Variants in UBN2 observed in about 807,000 individuals in gnomAD.
UBN2 encodes ubinuclein-2.
Under a neutral mutation model 120.2 loss-of-function variants are expected in UBN2, and 35 were observed. The ratio of observed to expected loss-of-function variants is 0.29; its 90% CI spans 0.22 to 0.39. UBN2 has a LOEUF of 0.39. Ranked by LOEUF, UBN2 falls within the 10% of genes least tolerant of loss-of-function variation. UBN2 has a pLI of 1.00. For synonymous variants in UBN2, 661 were observed against 648.7 expected (o/e 1.02, Z -0.29); for missense variants, 1,693 against 1,663.2 (o/e 1.02, Z -0.31).
chr7:139,276,587 A>C (rs1797448827), intron 12 of UBN2: 1 of 165,554 alleles, frequency 6.0e-6, no homozygotes, highest in African/African-American at 2.4e-5. Context: ...TCTTCTGTTC[A>C]AAACCGTGTA....
At position 139,299,267 on chromosome 7, in the gene UBN2, G is replaced by T. The variant is rs971517178; in HGVS notation, c.*1431G>T. On this transcript the variant is annotated 3_prime_UTR_variant, in exon 18 of 18. Transcript: ENST00000473989. ...CAGAGAATGGTGTAAACTCTAAATG[G>T]TATAAGCTTCATCCATTTATAATGA... 6.6e-6 allele frequency: 1 copy of T among 151,964 alleles called. No individual in the cohort carries two copies. 9.4% of individuals were successfully genotyped at this position (151,964 alleles called of 1,614,324 possible). A position where few individuals can be genotyped will look rare whatever the true frequency, so the allele number is the denominator to read the frequency against.
In UBN2 at chr7:139,284,518, A is replaced by G; in HGVS notation, c.3613A>G (p.Thr1205Ala). 6.2e-7 allele frequency: 1 copy of G among 1,613,884 alleles called. No homozygotes were observed. Among genetic ancestry groups the G allele is most frequent in the Non-Finnish European group, 8.5e-7 (1 of 1,180,006 alleles). Reference protein sequence around the residue: ...GTQGATKPLSTPHRPSTASGS... With the variant: ...GTQGATKPLSAPHRPSTASGS... ...ACAGGGTGCTACCAAACCATTGTCT[A>G]CTCCACATAGACCATCCACTGCCTC... The change falls in exon 15 of 18, where the codon ACT becomes GCT. Residue 1205 changes from threonine to alanine, a missense_variant. Thr to Ala is a moderately conservative substitution (Grantham distance 58, BLOSUM62 0). Transcript: ENST00000473989.
rs553283672 is a variant in UBN2 at position 139,280,310 on chromosome 7, A to T, written c.2067+950A>T. Reference sequence around the variant, plus strand: ...GTACATAAAATAATTTGACTGAAAAATTTTTAATATTTAGAGAAATAGAAA... The same window carrying T: ...GTACATAAAATAATTTGACTGAAAATTTTTTAATATTTAGAGAAATAGAAA... On this transcript the variant is annotated intron_variant, in intron 13 of 17. Coordinates refer to ENST00000473989, the MANE Select transcript of UBN2 (RefSeq NM_173569.4). Among the ~76,000 whole-genome samples, 7 of 152,340 alleles carry T rather than the reference A, an allele frequency of 4.6e-5. No individual in the cohort carries two copies. The East Asian group carries it at 1.3e-3, about 29-fold the overall frequency.
rs1311634295 is a variant in UBN2, at chr7:139,231,277, G to A, written c.-208G>A. 6.6e-6 allele frequency among the ~76,000 whole-genome samples: 1 copy of A among 152,256 alleles called. No homozygotes were observed. Among genetic ancestry groups the A allele is most frequent in the Non-Finnish European group, 1.5e-5 (1 of 68,036 alleles). On this transcript the variant is annotated 5_prime_UTR_variant, in exon 1 of 18. Transcript: ENST00000473989. Reference sequence around the variant, plus strand: ...TGGGGGATCCAACATGGCGGCCGCGGCGACCCTGGCGATGGCGGTGAAGCC... The same window carrying A: ...TGGGGGATCCAACATGGCGGCCGCGACGACCCTGGCGATGGCGGTGAAGCC...
intron 6 of UBN2, among the ~76,000 whole-genome samples, chr7:139,264,329 G>C (rs1757714150): frequency 6.6e-6 from 1 of 151,964 alleles, no homozygotes; most frequent in South Asian, 2.1e-4. Context: ...AAAATATACT[G>C]CCTCCAGCCA....
chr7:139,274,259 G>A (rs182244854), intron 11 of UBN2, among the ~76,000 whole-genome samples, 185 bp downstream of exon 11: 214 of 152,158 alleles, frequency 1.4e-3, no homozygotes, highest in Non-Finnish European at 2.4e-3. Context: ...CAAAACAGTC[G>A]CGCACACAGA....
At chr7:139,294,040 A>T in intron 17 of UBN2, 59 bp downstream of exon 17, 1 of 1,536,846 alleles carries the variant, frequency 6.5e-7, no homozygotes, top group Non-Finnish European at 9.0e-7. Context: ...GATATGGATT[A>T]TACTTTTCTG....
In UBN2 at chr7:139,255,767, A is replaced by G. The variant is rs558388549; in HGVS notation, c.664-2721A>G. ...TTAATATATTCTGAATCATGCACGAATTACTAAAAATAAATACCTGAAAAT... is the reference window on the plus strand; with the variant it reads ...TTAATATATTCTGAATCATGCACGAGTTACTAAAAATAAATACCTGAAAAT... On this transcript the variant is annotated intron_variant, in intron 3 of 17. Transcript: ENST00000473989. Among the ~76,000 whole-genome samples, 103 of 152,178 alleles carry G rather than the reference A, an allele frequency of 6.8e-4. 1 individual carries two copies. Among genetic ancestry groups the G allele is most frequent in the Non-Finnish European group, 1.2e-3 (80 of 68,026 alleles).
At chr7:139,276,484 G>A in intron 12 of UBN2, 3 of 321,884 alleles carry the variant, frequency 9.3e-6, no homozygotes, top group Non-Finnish European at 1.8e-5. Flanking sequence ...ACAGCCCTCT[G>A]TGTCCTGAGT....
chr7:139,310,436 C>A (rs924182436), downstream of UBN2, among the ~76,000 whole-genome samples: 2 of 152,204 alleles, frequency 1.3e-5, no homozygotes, highest in Admixed American at 6.5e-5. Flanking sequence ...ATCAATTTCT[C>A]CAGTTATAAG....
chr7:139,265,876 A>G (rs1797082532), intron 6 of UBN2, among the ~76,000 whole-genome samples: 1 of 152,102 alleles, frequency 6.6e-6, no homozygotes, highest in African/African-American at 2.4e-5. Context: ...CAGCCCGGTG[A>G]TATTGACTTT....
intron 2 of UBN2, among the ~76,000 whole-genome samples, chr7:139,245,802 T>C (rs938380835): frequency 1.3e-5 from 2 of 152,172 alleles, no homozygotes; most frequent in African/African-American, 2.4e-5. Flanking sequence ...CAGGAGACTA[T>C]CCCAGATGGG....
In UBN2 at chr7:139,231,639, C is replaced by T. The variant is rs1162109297; in HGVS notation, c.155C>T (p.Pro52Leu). The T allele has an allele frequency of 4.1e-6, 5 of 1,227,536 alleles. No homozygotes were observed. The highest frequency in any genetic ancestry group is 6.8e-5 in the East Asian group (2 of 29,302). 76.0% of individuals were successfully genotyped at this position (1,227,536 alleles called of 1,614,324 possible). Reference sequence around the variant, plus strand: ...CGCGAGCCGGCCCGGGCGGAGCCGCCGGCCCCGCGGGAGCCTGCCCCCCGC... The same window carrying T: ...CGCGAGCCGGCCCGGGCGGAGCCGCTGGCCCCGCGGGAGCCTGCCCCCCGC... ...PYREPARAEPPAPREPAPRSD... is the reference protein window; with the variant it reads ...PYREPARAEPLAPREPAPRSD... The change falls in exon 1 of 18, where the codon CCG (proline) becomes CTG (leucine). Residue 52 changes from proline to leucine, a missense_variant. This residue lies in a region of UBN2 where 663 missense variants were observed against 591.2 expected (regional missense o/e 1.12). Coordinates refer to ENST00000473989, the MANE Select transcript of UBN2 (RefSeq NM_173569.4).
At position 139,300,170 on chromosome 7, in the gene UBN2, G is replaced by A. The variant is rs1798220115; in HGVS notation, c.*2334G>A. The A allele has an allele frequency of 6.6e-6, 1 of 151,984 alleles. No homozygotes were observed. The highest frequency in any genetic ancestry group is 1.5e-5 in the Non-Finnish European group (1 of 67,982). The allele number at this position is 151,984 out of a possible 1,614,324, so 9.4% of individuals were successfully genotyped here. On this transcript the variant is annotated 3_prime_UTR_variant, in exon 18 of 18. Transcript: ENST00000473989. ...TACTAACCAGTAAAAATATCTGAAG[G>A]CCCTTGGCTCCAAGAATACAATGTG...
At chr7:139,262,240 C>T (rs945766752) in intron 6 of UBN2, among the ~76,000 whole-genome samples, 6 of 152,082 alleles carry the variant, frequency 3.9e-5, no homozygotes, top group African/African-American at 1.4e-4. Flanking sequence ...TCTGGGATTA[C>T]AGGTGCGCAC....
intron 2 of UBN2, among the ~76,000 whole-genome samples, chr7:139,240,988 A>G (rs986211688): frequency 1.3e-5 from 2 of 152,230 alleles, no homozygotes; most frequent in African/African-American, 4.8e-5. Flanking sequence ...GGATACAGGT[A>G]AAAGAGGCTC....
At chr7:139,317,374 T>C in the UBN2 span, among the ~76,000 whole-genome samples, 1 of 152,060 alleles carries the variant, frequency 6.6e-6, no homozygotes, top group Non-Finnish European at 1.5e-5. Context: ...TCTCACAACA[T>C]TGCCCAGGCT....
At position 139,301,280 on chromosome 7, in the gene UBN2, A is replaced by G. The variant is rs947670884; in HGVS notation, c.*3444A>G. On this transcript the variant is annotated 3_prime_UTR_variant, in exon 18 of 18. Coordinates refer to ENST00000473989, the MANE Select transcript of UBN2 (RefSeq NM_173569.4). Reference sequence around the variant, plus strand: ...ACCCAGGATATTTTTTTCCCAAAGCAGATCTAAATTGTTTACTACCCAGGG... The same window carrying G: ...ACCCAGGATATTTTTTTCCCAAAGCGGATCTAAATTGTTTACTACCCAGGG... The G allele has an allele frequency of 3.9e-5, 6 of 152,190 alleles. No homozygotes were observed. The highest frequency in any genetic ancestry group is 1.4e-4 in the African/African-American group (6 of 41,454). The allele number at this position is 152,190 out of a possible 1,614,324, so 9.4% of individuals were successfully genotyped here. A position where few individuals can be genotyped will look rare whatever the true frequency, so the allele number is the denominator to read the frequency against.
intron 6 of UBN2, among the ~76,000 whole-genome samples, chr7:139,262,868 A>G (rs1485537716): frequency 6.6e-6 from 1 of 152,128 alleles, no homozygotes; most frequent in Non-Finnish European, 1.5e-5. Context: ...CATCTCTACA[A>G]TCTTAGTTTC....
Sources: allele counts gnomAD v4.1 joint callset (sites outside exome capture counted in the v4.1 genomes callset), GRCh38; gene constraint gnomAD v4.1.1; regional missense constraint gnomAD v4.1.1; transcripts MANE v1.5; gene names NCBI Gene and HGNC (gene_info 2026-07-23, HGNC 2026-07-21).